TRPS1: variants seen among roughly 807,000 people sequenced by gnomAD.
The protein encoded by TRPS1 is zinc finger transcription factor Trps1.
In TRPS1, 6 loss-of-function variants were observed where a neutral mutation model predicts 101.2. The observed-to-expected ratio is 0.06, with a 90% CI of 0.03 to 0.12. TRPS1 has a LOEUF of 0.12. Ranked by LOEUF, TRPS1 falls within the 10% of genes least tolerant of loss-of-function variation. The pLI is 1.00. For synonymous variants in TRPS1, 578 were observed against 589.8 expected, an observed-to-expected ratio of 0.98 and a Z score of 0.29; for missense variants, 1,363 against 1,567.0, an observed-to-expected ratio of 0.87 and a Z score of 2.20.
At chr8:115,625,515 G>C (rs1348330184) in intron 1 of TRPS1, among the ~76,000 whole-genome samples, 2 of 151,758 alleles carry the variant, frequency 1.3e-5, no homozygotes, top group Non-Finnish European at 2.9e-5. Flanking sequence ...GCCTATCTTT[G>C]CCTCAATTTC....
chr8:115,446,898 T>C (rs1184880886), intron 5 of TRPS1, among the ~76,000 whole-genome samples: 1 of 152,160 alleles, frequency 6.6e-6, no homozygotes, highest in African/African-American at 2.4e-5. Flanking sequence ...TGTTCTAATA[T>C]GATGATATTT....
At chr8:115,656,304 C>T (rs1405989612) in intron 1 of TRPS1, among the ~76,000 whole-genome samples, 1 of 151,958 alleles carries the variant, frequency 6.6e-6, no homozygotes, top group Non-Finnish European at 1.5e-5. Context: ...CAAAAACAGC[C>T]GACAAAACCA....
chr8:115,439,588 A>G (rs970039105), intron 5 of TRPS1, among the ~76,000 whole-genome samples: 6 of 152,214 alleles, frequency 3.9e-5, no homozygotes, highest in African/African-American at 1.4e-4. Context: ...TTTCCTCATT[A>G]GCCACAGGGG....
chr8:115,622,726 C>A (rs865796780), intron 2 of TRPS1, among the ~76,000 whole-genome samples: 42 of 152,030 alleles, frequency 2.8e-4, no homozygotes, highest in South Asian at 4.1e-4. Context: ...GTTACACACA[C>A]AAAAAAGATA....
At chr8:115,626,133 A>G (rs1325583143) in intron 1 of TRPS1, among the ~76,000 whole-genome samples, 1 of 151,754 alleles carries the variant, frequency 6.6e-6, no homozygotes, top group Non-Finnish European at 1.5e-5. Flanking sequence ...CTTTTGATCA[A>G]AAGTCCCCAC....
chr8:115,589,250 G>A (rs1297727830), intron 4 of TRPS1, among the ~76,000 whole-genome samples: 7 of 152,148 alleles, frequency 4.6e-5, no homozygotes, highest in African/African-American at 1.4e-4. Context: ...AGGGGATCTC[G>A]TCAAAGGTAA....
intron 5 of TRPS1, among the ~76,000 whole-genome samples, chr8:115,517,447 T>TGAGA (rs1229414669): frequency 3.3e-5 from 5 of 150,380 alleles, no homozygotes; most frequent in Admixed American, 6.7e-5. Flanking sequence ...ATTATTAAAA[T>TGAGA]GAGAGAGAGA....
At chr8:115,630,822 C>A (rs1340972846) in intron 1 of TRPS1, among the ~76,000 whole-genome samples, 1 of 151,992 alleles carries the variant, frequency 6.6e-6, no homozygotes, top group Non-Finnish European at 1.5e-5. Context: ...CAAGTTGGGT[C>A]TGAAGGAATC....
At position 115,668,725 on chromosome 8, in the gene TRPS1, GAGA is replaced by G. The variant is rs1811997080; in HGVS notation, c.-305_-303del. The G allele has an allele frequency of 7.0e-6, 1 of 142,268 alleles. No homozygotes were observed. Among genetic ancestry groups the G allele is most frequent in the South Asian group, 2.2e-4 (1 of 4,554 alleles). 8.8% of individuals were successfully genotyped at this position (142,268 alleles called of 1,614,324 possible). A position where few individuals can be genotyped will look rare whatever the true frequency, so the allele number is the denominator to read the frequency against. ...CCCCACCCTTATTAAAAAAGAGAGAGAGAGAGAGAGAGAGAGAAAGAGAAAGGA... is the reference window on the plus strand; with the variant it reads ...CCCCACCCTTATTAAAAAAGAGAGAGGAGAGAGAGAGAGAAAGAGAAAGGA... On this transcript the variant is annotated 5_prime_UTR_variant, in exon 1 of 7. Transcript: ENST00000395715.
intron 5 of TRPS1, among the ~76,000 whole-genome samples, chr8:115,482,040 T>C (rs1814766864): frequency 6.6e-6 from 1 of 152,130 alleles, no homozygotes; most frequent in African/African-American, 2.4e-5. Flanking sequence ...AGGAAAAGAA[T>C]CCTTGAGATA....
chr8:115,603,104 A>G (rs1388667654), intron 4 of TRPS1, among the ~76,000 whole-genome samples: 2 of 152,158 alleles, frequency 1.3e-5, no homozygotes, highest in Admixed American at 1.3e-4. Flanking sequence ...GGATTTTTGA[A>G]ATCAATTAAT....
At chr8:115,523,654 T>C (rs926818090) in intron 5 of TRPS1, among the ~76,000 whole-genome samples, 6 of 152,208 alleles carry the variant, frequency 3.9e-5, no homozygotes, top group South Asian at 2.1e-4. Flanking sequence ...AAGGTTTCTC[T>C]GTAGTCCGAG....
chr8:115,512,715 A>C (rs1450261096), intron 5 of TRPS1, among the ~76,000 whole-genome samples: 1 of 151,658 alleles, frequency 6.6e-6, no homozygotes, highest in Non-Finnish European at 1.5e-5. Flanking sequence ...TTACTCCATT[A>C]AAGTTTGTGT....
At chr8:115,415,608 A>C (rs1382748920) in intron 6 of TRPS1, among the ~76,000 whole-genome samples, 2 of 152,174 alleles carry the variant, frequency 1.3e-5, no homozygotes, top group Non-Finnish European at 2.9e-5. Flanking sequence ...AATTAAAGTT[A>C]AATGAGGTTG....
In TRPS1 at chr8:115,413,784, A is replaced by AC. The variant is rs753630575; in HGVS notation, c.*238dup. The AC allele has an allele frequency of 2.5e-5, 13 of 517,404 alleles. No individual in the cohort carries two copies. Among genetic ancestry groups the AC allele is most frequent in the Admixed American group, 3.6e-5 (1 of 27,772 alleles). 32.1% of individuals were successfully genotyped at this position (517,404 alleles called of 1,614,324 possible). ...TATTAGCCAAGATGGTTTTGACTTAACAGGTTTTAAAAAGTGATTGTTTAC... is the reference window on the plus strand; with the variant it reads ...TATTAGCCAAGATGGTTTTGACTTAACCAGGTTTTAAAAAGTGATTGTTTAC... On this transcript the variant is annotated 3_prime_UTR_variant, in exon 7 of 7. Coordinates refer to ENST00000395715, the MANE Select transcript of TRPS1 (RefSeq NM_014112.5).
intron 5 of TRPS1, among the ~76,000 whole-genome samples, chr8:115,504,620 G>A (rs1479653415): frequency 6.6e-6 from 1 of 152,116 alleles, no homozygotes; most frequent in Admixed American, 6.5e-5. Context: ...GAATAGGCAG[G>A]TTCAATAGTC....
chr8:115,476,400 C>A (rs1814608339), intron 5 of TRPS1, among the ~76,000 whole-genome samples: 2 of 152,096 alleles, frequency 1.3e-5, no homozygotes, highest in East Asian at 1.9e-4. Context: ...AACTATAAAG[C>A]AATTGTTGGT....
At chr8:115,648,286 G>A (rs1274366537) in intron 1 of TRPS1, among the ~76,000 whole-genome samples, 1 of 147,686 alleles carries the variant, frequency 6.8e-6, no homozygotes, top group East Asian at 2.0e-4. Flanking sequence ...CAGCGCTGGA[G>A]AGGGAGGAGG....
chr8:115,590,449 G>A (rs13267535), intron 4 of TRPS1, among the ~76,000 whole-genome samples: 106,320 of 152,070 alleles, frequency 0.7, 38,599 homozygotes, highest in African/African-American at 0.9. Context: ...AAAACTGGTA[G>A]CTCCAGTGAT....
Sources: gnomAD v4.1 joint callset for allele counts (sites outside exome capture counted in the v4.1 genomes callset) on GRCh38, gnomAD v4.1.1 for gene constraint, MANE v1.5 for transcripts, NCBI Gene and HGNC (gene_info 2026-07-23, HGNC 2026-07-21) for gene names.